Variants in AGBL4 observed in about 807,000 individuals in gnomAD.
The protein encoded by AGBL4 is cytosolic carboxypeptidase 6.
In AGBL4, 58 loss-of-function variants were observed where a neutral mutation model predicts 66.4. The observed-to-expected ratio is 0.87, with a 90% CI of 0.71 to 1.09. The LOEUF (loss-of-function observed/expected upper bound fraction) is 1.09, where lower values mean the gene tolerates loss of function less well. Among genes scored for constraint, AGBL4 ranks in the 50% least tolerant of loss-of-function variants. The pLI is 0.00. For synonymous variants in AGBL4, 234 were observed against 222.9 expected (o/e 1.05, Z -0.44); for missense variants, 579 against 631.0 (o/e 0.92, Z 0.88).
intron 5 of AGBL4, among the ~76,000 whole-genome samples, chr1:48,962,743 GT>G (rs1439299110): frequency 6.6e-6 from 1 of 152,092 alleles, no homozygotes; most frequent in Non-Finnish European, 1.5e-5. Context: ...ATTTAAGCTG[GT>G]TCAGTAACTT....
chr1:49,175,480 AATAG>A (rs1447518639), intron 4 of AGBL4, among the ~76,000 whole-genome samples: 2 of 151,364 alleles, frequency 1.3e-5, no homozygotes, highest in African/African-American at 4.9e-5. Context: ...TATGATAATA[AATAG>A]TGTTGCTGAG....
chr1:48,959,726 G>A (rs866300951), intron 5 of AGBL4, among the ~76,000 whole-genome samples: 1 of 152,228 alleles, frequency 6.6e-6, no homozygotes, highest in Non-Finnish European at 1.5e-5. Context: ...TCTGGGTACA[G>A]ACCAGTGATT....
chr1:48,887,489 G>A (rs1404857329), intron 5 of AGBL4, among the ~76,000 whole-genome samples: 1 of 152,042 alleles, frequency 6.6e-6, no homozygotes, highest in Non-Finnish European at 1.5e-5. Flanking sequence ...CATGGCCCAG[G>A]GCTGTGTGAG....
At chr1:49,324,453 T>C (rs555600832) in intron 3 of AGBL4, among the ~76,000 whole-genome samples, 1 of 152,222 alleles carries the variant, frequency 6.6e-6, no homozygotes, top group Non-Finnish European at 1.5e-5. Context: ...ACTGAGCCAC[T>C]TTTGTTTGCT....
chr1:49,134,099 T>C (rs1457786046), intron 4 of AGBL4, among the ~76,000 whole-genome samples: 1 of 151,998 alleles, frequency 6.6e-6, no homozygotes. Flanking sequence ...GGTTCCATCA[T>C]GTCCCCTGAG....
chr1:49,233,949 G>C (rs550121888), intron 4 of AGBL4, among the ~76,000 whole-genome samples: 1 of 152,284 alleles, frequency 6.6e-6, no homozygotes, highest in African/African-American at 2.4e-5. Context: ...GCCACTTTCA[G>C]TACTACTAAT....
chr1:49,650,123 T>C (rs908846424), intron 3 of AGBL4, among the ~76,000 whole-genome samples: 2 of 152,208 alleles, frequency 1.3e-5, no homozygotes, highest in Non-Finnish European at 2.9e-5. Flanking sequence ...TTGTTCTTTT[T>C]TTCCCCAAGA....
chr1:49,250,912 T>A (rs1652006155), intron 3 of AGBL4, among the ~76,000 whole-genome samples: 1 of 152,126 alleles, frequency 6.6e-6, no homozygotes, highest in South Asian at 2.1e-4. Flanking sequence ...GATGTGGAGC[T>A]CACAGGGTTT....
At chr1:49,537,311 A>G (rs1344670028) in intron 3 of AGBL4, among the ~76,000 whole-genome samples, 1 of 152,194 alleles carries the variant, frequency 6.6e-6, no homozygotes, top group Non-Finnish European at 1.5e-5. Flanking sequence ...ACTAAACTAA[A>G]AAAACTTCTG....
rs1646870702 is a variant in AGBL4, at chr1:48,705,619, T to A, written c.635-42378A>T. On this transcript the variant is annotated intron_variant, in intron 6 of 13. Transcript: ENST00000371839. ...AGCTAACTTATAGTAGAAATGAGATTTAAATCCAGTCTGATCTCAGAGCAC... is the reference window on the plus strand; with the variant it reads ...AGCTAACTTATAGTAGAAATGAGATATAAATCCAGTCTGATCTCAGAGCAC... 5.3e-5 allele frequency among the ~76,000 whole-genome samples: 8 copies of A among 152,324 alleles called. 1 individual carries two copies. The South Asian group carries it at 1.7e-3, about 32-fold the overall frequency.
chr1:48,634,628 T>G, intron 8 of AGBL4, 24 bp from the exon 9 acceptor site: 1 of 1,534,392 alleles, frequency 6.5e-7, no homozygotes, highest in Non-Finnish European at 8.9e-7. Context: ...AAAGTAAGAG[T>G]CAATATAGAC....
chr1:49,536,283 A>G (rs750943780), intron 3 of AGBL4, among the ~76,000 whole-genome samples: 2 of 152,180 alleles, frequency 1.3e-5, no homozygotes, highest in Admixed American at 6.5e-5. Context: ...GTGTGTCTAT[A>G]TTGTATATTA....
chr1:48,892,997 C>G (rs938524089), intron 5 of AGBL4, among the ~76,000 whole-genome samples: 1 of 152,170 alleles, frequency 6.6e-6, no homozygotes, highest in Non-Finnish European at 1.5e-5. Flanking sequence ...AAAATACACA[C>G]ACCTGCATAT....
At chr1:48,796,458 T>C (rs963220012) in intron 6 of AGBL4, among the ~76,000 whole-genome samples, 1 of 148,056 alleles carries the variant, frequency 6.8e-6, no homozygotes, top group South Asian at 2.3e-4. Flanking sequence ...CTCTTTCCTT[T>C]AAGGAGCTCC....
At chr1:49,062,359 C>A (rs1044348018) in intron 4 of AGBL4, among the ~76,000 whole-genome samples, 8 of 152,150 alleles carry the variant, frequency 5.3e-5, no homozygotes, top group African/African-American at 1.4e-4. Context: ...CACTTTAATA[C>A]CCTATCTAAC....
intron 5 of AGBL4, among the ~76,000 whole-genome samples, chr1:48,944,684 G>C (rs1035646765): frequency 1.3e-5 from 2 of 151,810 alleles, no homozygotes; most frequent in Non-Finnish European, 2.9e-5. Flanking sequence ...ACTGCCCCCC[G>C]CAACCCTTCT....
At chr1:48,999,592 G>A (rs1299215277) in intron 5 of AGBL4, among the ~76,000 whole-genome samples, 1 of 152,144 alleles carries the variant, frequency 6.6e-6, no homozygotes, top group South Asian at 2.1e-4. Context: ...AGGCTGTGCA[G>A]CACGAGAAAA....
intron 5 of AGBL4, among the ~76,000 whole-genome samples, chr1:48,871,826 C>A (rs1398008794): frequency 1.3e-5 from 2 of 152,096 alleles, no homozygotes; most frequent in East Asian, 3.9e-4. Context: ...TTCCCCCATG[C>A]ATCGAGTGAA....
At chr1:49,498,483 T>C (rs1282050831) in intron 3 of AGBL4, among the ~76,000 whole-genome samples, 1 of 151,748 alleles carries the variant, frequency 6.6e-6, no homozygotes, top group Admixed American at 6.6e-5. Flanking sequence ...TCCAGGTCCA[T>C]CCAGGTTGTC....
Sources: gnomAD v4.1 joint callset for allele counts (sites outside exome capture counted in the v4.1 genomes callset) on GRCh38, gnomAD v4.1.1 for gene constraint, MANE v1.5 for transcripts, NCBI Gene and HGNC (gene_info 2026-07-23, HGNC 2026-07-21) for gene names.